The following CUBN variants were observed in gnomAD, a reference collection of about 807,000 sequenced individuals.
The protein encoded by CUBN is 460 kDa receptor.
In CUBN, 282 loss-of-function variants were observed where a neutral mutation model predicts 405.3. That is an observed-to-expected ratio of 0.70 (90% CI 0.63 to 0.77). The LOEUF is 0.77. Ranked by LOEUF, CUBN falls within the 30% of genes least tolerant of loss-of-function variation. CUBN has a pLI of 0.00. For missense variants in CUBN, 4,514 were observed against 4,475.2 expected (o/e 1.01, Z -0.25); for synonymous variants, 1,684 against 1,617.0 (o/e 1.04, Z -0.99).
At chr10:16,925,145 A>G (rs1485273511) in intron 43 of CUBN, 96 bp downstream of exon 43, 10 of 925,058 alleles carry the variant, frequency 1.1e-5, no homozygotes, top group Non-Finnish European at 1.7e-5. Context: ...ATTCTTATTA[A>G]TTCTATTACT....
At chr10:16,981,513 T>C (rs939837642) in intron 31 of CUBN, among the ~76,000 whole-genome samples, 7 of 152,154 alleles carry the variant, frequency 4.6e-5, no homozygotes, top group African/African-American at 1.7e-4. Context: ...TAGCTGTCCA[T>C]GGACGGCAAA....
chr10:16,918,881 A>G, intron 44 of CUBN, 81 bp from the exon 45 acceptor site: 1 of 1,245,332 alleles, frequency 8.0e-7, no homozygotes, highest in Non-Finnish European at 1.2e-6. Flanking sequence ...ACTTTCTTTG[A>G]AGATATTATT....
At position 17,104,840 on chromosome 10, in the gene CUBN, G is replaced by A. The variant is rs572232101; in HGVS notation, c.1231-235C>T. ...TTTTTTTTTTTTGAGATGGAGTCTC[G>A]CTCTGTCGGCCAGGCTGGAGTGCAG... On this transcript the variant is annotated intron_variant, in intron 11 of 66. Coordinates refer to ENST00000377833, the MANE Select transcript of CUBN (RefSeq NM_001081.4). 6.5e-5 allele frequency among the ~76,000 whole-genome samples: 9 copies of A among 138,004 alleles called. No homozygotes were observed. In the East Asian group the frequency reaches 8.6e-4, roughly 13 times the overall value. The allele number at this position is 138,004 out of a possible 152,430, so 90.5% of individuals were successfully genotyped here.
rs548335539 is a variant in CUBN at position 16,858,433 on chromosome 10, A to G, written c.9455-6990T>C. The stretch of plus-strand genomic sequence containing the variant: ...ACTCCTGGGCTCAAGGGATCCTCCT[A>G]CCTCAGCCTCCCAGTTAGCTAGGAC... On this transcript the variant is annotated intron_variant, in intron 59 of 66. Transcript: ENST00000377833. Among the ~76,000 whole-genome samples the G allele has an allele frequency of 2.6e-5, 4 of 152,160 alleles. No homozygotes were observed. The East Asian group carries it at 7.7e-4, about 29-fold the overall frequency.
At position 16,912,957 on chromosome 10, in the gene CUBN, G is replaced by A. The variant is rs76341129; in HGVS notation, c.7533+854C>T. On this transcript the variant is annotated intron_variant, in intron 48 of 66. Transcript: ENST00000377833. ...GAGAGGAGAACGGAACCAGGGGGAC[G>A]AGGTGGAACTTTCTAAAATAATCCA... is the stretch of plus-strand genomic sequence containing the variant. Among the ~76,000 whole-genome samples the A allele has an allele frequency of 4.3e-4, 65 of 152,270 alleles. 4 individuals carry two copies. The East Asian group carries it at 0.012, about 27-fold the overall frequency.
chr10:16,984,977 G>A (rs1335385153), intron 29 of CUBN, among the ~76,000 whole-genome samples: 1 of 152,170 alleles, frequency 6.6e-6, no homozygotes, highest in African/African-American at 2.4e-5. Flanking sequence ...CTGACTAAGT[G>A]CATCCCACTT....
intron 51 of CUBN, 65 bp downstream of exon 51, chr10:16,903,901 C>A: frequency 1.8e-6 from 2 of 1,142,230 alleles, no homozygotes; most frequent in East Asian, 2.9e-5. Context: ...TATATGAAAT[C>A]TTTATGGAAA....
intron 59 of CUBN, among the ~76,000 whole-genome samples, chr10:16,855,216 G>T (rs989101853): frequency 6.6e-6 from 1 of 151,442 alleles, no homozygotes; most frequent in African/African-American, 2.4e-5. Flanking sequence ...GAATAGCTGG[G>T]ATTACAGGTG....
intron 51 of CUBN, among the ~76,000 whole-genome samples, chr10:16,903,532 A>G (rs1031619451): frequency 6.6e-6 from 1 of 151,598 alleles, no homozygotes; most frequent in Admixed American, 6.6e-5. Context: ...ACAACATATT[A>G]AAACTAATAA....
intron 10 of CUBN, among the ~76,000 whole-genome samples, chr10:17,107,647 G>A (rs1397347032): frequency 3.3e-5 from 5 of 151,868 alleles, no homozygotes; most frequent in African/African-American, 9.7e-5. Context: ...ACAGGTGCCC[G>A]CCACCACGCC....
intron 48 of CUBN, among the ~76,000 whole-genome samples, chr10:16,912,470 A>C (rs903485287): frequency 2.0e-5 from 3 of 152,192 alleles, no homozygotes; most frequent in African/African-American, 7.2e-5. Context: ...CTGATGAACA[A>C]ATCAAAATGA....
At chr10:16,988,791 G>A (rs1321239087) in intron 29 of CUBN, among the ~76,000 whole-genome samples, 1 of 152,182 alleles carries the variant, frequency 6.6e-6, no homozygotes, top group Non-Finnish European at 1.5e-5. Flanking sequence ...GTGTTGAGCA[G>A]TGACTGGCTT....
chr10:17,023,145 C>G (rs556095814), intron 27 of CUBN, among the ~76,000 whole-genome samples: 1 of 151,768 alleles, frequency 6.6e-6, no homozygotes, highest in African/African-American at 2.4e-5. Flanking sequence ...GAAGGAGACC[C>G]CTGGATCTCA....
At chr10:16,910,060 T>C (rs1488124552) in intron 48 of CUBN, among the ~76,000 whole-genome samples, 1 of 152,122 alleles carries the variant, frequency 6.6e-6, no homozygotes, top group Admixed American at 6.5e-5. Flanking sequence ...TTTTCTTTCA[T>C]CTTTTACTTC....
chr10:17,079,973 C>A (rs189910440), intron 17 of CUBN, among the ~76,000 whole-genome samples: 139 of 152,190 alleles, frequency 9.1e-4, no homozygotes, highest in Non-Finnish European at 1.5e-3. Context: ...GGGAAGGATG[C>A]AGGGGAAGGT....
chr10:16,986,925 C>T (rs1382822018), intron 29 of CUBN, among the ~76,000 whole-genome samples: 1 of 152,178 alleles, frequency 6.6e-6, no homozygotes, highest in Admixed American at 6.5e-5. Flanking sequence ...TCAAACATCC[C>T]CTTGAGATCA....
At chr10:17,058,282 C>G (rs1445767994) in intron 22 of CUBN, among the ~76,000 whole-genome samples, 2 of 151,980 alleles carry the variant, frequency 1.3e-5, no homozygotes, top group Non-Finnish European at 2.9e-5. Flanking sequence ...AGGATCCCTT[C>G]TGGAGGGACA....
intron 59 of CUBN, 41 bp downstream of exon 59, chr10:16,869,595 A>G: frequency 7.3e-7 from 1 of 1,367,342 alleles, no homozygotes; most frequent in Non-Finnish European, 1.0e-6. Context: ...GCAGAAAGGT[A>G]ACAGTCCTGA....
chr10:17,047,338 CTTAATCTTCCTAGGAAAGAT>C, intron 23 of CUBN, 56 bp downstream of exon 23: 1 of 1,248,156 alleles, frequency 8.0e-7, no homozygotes, highest in South Asian at 1.4e-5. Flanking sequence ...TATTTTTTTC[CTTAATCTTCCTAGGAAAGAT>C]TATTAATGAG....
Sources: allele counts gnomAD v4.1 joint callset (sites outside exome capture counted in the v4.1 genomes callset), GRCh38; gene constraint gnomAD v4.1.1; transcripts MANE v1.5; gene names NCBI Gene and HGNC (gene_info 2026-07-23, HGNC 2026-07-21).